The following BMPR2 variants were observed in gnomAD, a reference collection of about 807,000 sequenced individuals.
BMPR2 encodes bone morphogenetic protein receptor type-2.
Under a neutral mutation model 100.8 loss-of-function variants are expected in BMPR2, and 29 were observed. That is an observed-to-expected ratio of 0.29 (90% confidence interval 0.21 to 0.39). The LOEUF (loss-of-function observed/expected upper bound fraction) is 0.39. Among genes scored for constraint, BMPR2 ranks in the 10% least tolerant of loss-of-function variants. BMPR2 has a pLI of 1.00. For synonymous variants in BMPR2, 382 were observed against 442.3 expected, an observed-to-expected ratio of 0.86 and a Z score of 1.71; for missense variants, 1,011 against 1,274.5, an observed-to-expected ratio of 0.79 and a Z score of 3.15.
intron 1 of BMPR2, among the ~76,000 whole-genome samples, chr2:202,404,005 CAA>C (rs536716050): frequency 8.9e-4 from 83 of 93,674 alleles, no homozygotes; most frequent in African/African-American, 3.0e-3. Context: ...AACTCCGTCT[CAA>C]AAAAAAAAAA....
intron 3 of BMPR2, among the ~76,000 whole-genome samples, chr2:202,498,331 G>T (rs1196721312): frequency 2.6e-5 from 4 of 152,228 alleles, no homozygotes; most frequent in Non-Finnish European, 5.9e-5. Flanking sequence ...CCTCCATGTG[G>T]TCTGGGAGGA....
intron 7 of BMPR2, among the ~76,000 whole-genome samples, chr2:202,527,315 T>G (rs1312067504): frequency 1.3e-5 from 2 of 149,824 alleles, no homozygotes; most frequent in East Asian, 4.0e-4. Flanking sequence ...TGAAACCCTG[T>G]CTCTACTAAA....
At chr2:202,517,767 T>C (rs1323799711) in intron 5 of BMPR2, among the ~76,000 whole-genome samples, 1 of 152,060 alleles carries the variant, frequency 6.6e-6, no homozygotes, top group African/African-American at 2.4e-5. Context: ...CTGTCCAAAA[T>C]ATGTCCTGAG....
At chr2:202,513,854 A>G (rs1687666834) in intron 4 of BMPR2, 25 bp downstream of exon 4, 1 of 1,511,822 alleles carries the variant, frequency 6.6e-7, no homozygotes, top group South Asian at 1.1e-5. Context: ...TTTTTGTCCT[A>G]TTGTTTATTA....
At chr2:202,461,522 T>G (rs1158360626) in intron 1 of BMPR2, among the ~76,000 whole-genome samples, 4 of 152,190 alleles carry the variant, frequency 2.6e-5, no homozygotes, top group African/African-American at 9.7e-5. Flanking sequence ...GCTAGTATGT[T>G]TGTTGAATAA....
intron 1 of BMPR2, among the ~76,000 whole-genome samples, chr2:202,463,826 T>A (rs906772391): frequency 6.6e-6 from 1 of 152,210 alleles, no homozygotes; most frequent in Non-Finnish European, 1.5e-5. Flanking sequence ...ATTGAGCATT[T>A]CTTTTTCTGG....
chr2:202,396,069 T>C (rs376691676), intron 1 of BMPR2, among the ~76,000 whole-genome samples: 10 of 152,154 alleles, frequency 6.6e-5, no homozygotes, highest in African/African-American at 2.4e-4. Context: ...TGATCAAATA[T>C]GTGATTAATA....
intron 3 of BMPR2, among the ~76,000 whole-genome samples, chr2:202,501,942 A>G (rs1364315185): frequency 6.6e-6 from 1 of 152,210 alleles, no homozygotes; most frequent in Non-Finnish European, 1.5e-5. Flanking sequence ...CTTAACCTAT[A>G]TAACGATGGA....
intron 8 of BMPR2, among the ~76,000 whole-genome samples, chr2:202,531,930 ATTTTTTTTTTTTT>A (rs71035015): frequency 5.7e-4 from 30 of 52,278 alleles, no homozygotes; most frequent in Non-Finnish European, 8.9e-4. Flanking sequence ...GCCCAGCTGT[ATTTTTTTTTTTTT>A]TTTTTTTTTT....
intron 5 of BMPR2, 83 bp from the exon 6 acceptor site, chr2:202,518,739 G>A (rs1265522173): frequency 9.1e-7 from 1 of 1,098,866 alleles, no homozygotes; most frequent in Non-Finnish European, 1.4e-6. Context: ...GTAGCATTCT[G>A]TTTAAATTTG....
At chr2:202,485,545 C>CTTTTTCTTTTTTTTTTTTTTT (rs1692756931) in intron 3 of BMPR2, among the ~76,000 whole-genome samples, 1 of 64,010 alleles carries the variant, frequency 1.6e-5, no homozygotes, top group African/African-American at 5.7e-5. Flanking sequence ...TTGCCTTTAT[C>CTTTTTCTTTTTTTTTTTTTTT]TTTTTTTTTT....
At chr2:202,466,350 G>A (rs1692320644) in intron 2 of BMPR2, among the ~76,000 whole-genome samples, 1 of 151,606 alleles carries the variant, frequency 6.6e-6, no homozygotes, top group African/African-American at 2.4e-5. Context: ...GCAATGGTGG[G>A]ATCTCGGCTC....
Position 202,467,905 on chromosome 2 carries a change from G to A in BMPR2, c.418+216G>A, listed in dbSNP as rs536187927. 3.9e-5 allele frequency among the ~76,000 whole-genome samples: 6 copies of A among 152,070 alleles called. No individual in the cohort carries two copies. In the South Asian group the frequency reaches 8.3e-4, roughly 21 times the overall value. On this transcript the variant is annotated intron_variant, in intron 3 of 12. Coordinates refer to ENST00000374580, the MANE Select transcript of BMPR2 (RefSeq NM_001204.7). ...CTCTGCCAAAAGTAAAAAATTAGCC[G>A]GGCGTAGTGGTAGGCGCCTGTAATC...
chr2:202,487,159 A>G (rs2105978647), intron 3 of BMPR2, among the ~76,000 whole-genome samples: 1 of 152,314 alleles, frequency 6.6e-6, no homozygotes, highest in Admixed American at 6.5e-5. Context: ...TTAAGCAAAG[A>G]CACCTGGCAT....
At chr2:202,428,718 C>T (rs1041426131) in intron 1 of BMPR2, among the ~76,000 whole-genome samples, 3 of 152,126 alleles carry the variant, frequency 2.0e-5, no homozygotes, top group Admixed American at 1.3e-4. Context: ...TTCTCTTACA[C>T]ATGTGTACAC....
intron 3 of BMPR2, among the ~76,000 whole-genome samples, chr2:202,512,114 A>C (rs1348462713): frequency 2.0e-5 from 3 of 152,224 alleles, no homozygotes; most frequent in African/African-American, 7.2e-5. Context: ...CTTCTATAGA[A>C]ATATAGTTTA....
intron 3 of BMPR2, among the ~76,000 whole-genome samples, chr2:202,510,371 C>G (rs1687596693): frequency 6.6e-6 from 1 of 152,100 alleles, no homozygotes; most frequent in South Asian, 2.1e-4. Context: ...GAGCTGAGAT[C>G]GTACATCTGT....
chr2:202,433,092 G>T (rs62194090), intron 1 of BMPR2, among the ~76,000 whole-genome samples: 3 of 150,562 alleles, frequency 2.0e-5, no homozygotes, highest in East Asian at 3.9e-4. Flanking sequence ...TCTGCCAGCT[G>T]GTAAGGTAGC....
chr2:202,382,905 C>T (rs1201773847), intron 1 of BMPR2, among the ~76,000 whole-genome samples: 2 of 152,168 alleles, frequency 1.3e-5, no homozygotes, highest in African/African-American at 2.4e-5. Flanking sequence ...CTCTGGACAA[C>T]GAGCCTGGGA....
Sources: gnomAD v4.1 joint callset for allele counts (sites outside exome capture counted in the v4.1 genomes callset) on GRCh38, gnomAD v4.1.1 for gene constraint, MANE v1.5 for transcripts, NCBI Gene and HGNC (gene_info 2026-07-23, HGNC 2026-07-21) for gene names.